Variants in SZT2 observed in about 807,000 individuals in gnomAD.
The protein encoded by SZT2 is SZT2 subunit of KICSTOR complex, also known as KICSTOR complex protein SZT2.
A neutral mutation model predicts 404.2 loss-of-function variants in SZT2; 216 were observed. The observed-to-expected ratio is 0.53, with a 90% confidence interval of 0.48 to 0.60. SZT2 has a LOEUF of 0.60. Ranked by LOEUF, SZT2 falls within the 20% of genes least tolerant of loss-of-function variation. The pLI is 0.00. For synonymous variants in SZT2, 1,693 were observed against 1,749.9 expected, an observed-to-expected ratio of 0.97 and a Z score of 0.81; for missense variants, 3,857 against 4,459.2, an observed-to-expected ratio of 0.86 and a Z score of 3.85.
rs921908840 is a variant in SZT2 at position 43,423,224 on chromosome 1, C to T, written c.2163C>T (p.Ser721=). The T allele has an allele frequency of 6.3e-7, 1 of 1,595,434 alleles. No homozygotes were observed. Among genetic ancestry groups the T allele is most frequent in the Non-Finnish European group, 8.5e-7 (1 of 1,178,152 alleles). The part of the protein sequence containing the change: ...LGGAGGGSSP[S]KSPPVLGPQQ... Reference sequence around the variant, plus strand: ...GTGCTGGTGGGGGCAGCTCTCCCTCCAAGTCACCCCCCGTGCTGGGGCCAC... The same window carrying T: ...GTGCTGGTGGGGGCAGCTCTCCCTCTAAGTCACCCCCCGTGCTGGGGCCAC... Residue 721 remains serine, a synonymous_variant, in exon 15 of 72, where the codon TCC becomes TCT. Coordinates refer to ENST00000634258, the MANE Select transcript of SZT2 (RefSeq NM_001365999.1).
chr1:43,393,634 T>A (rs1272526120), intron 1 of SZT2, among the ~76,000 whole-genome samples: 9 of 152,144 alleles, frequency 5.9e-5, no homozygotes, highest in African/African-American at 2.2e-4. Flanking sequence ...TTTGTGGGAA[T>A]GTGTTAACAA....
At chr1:43,410,876 C>G (rs1313930946) in intron 4 of SZT2, among the ~76,000 whole-genome samples, 1 of 148,026 alleles carries the variant, frequency 6.8e-6, no homozygotes, top group East Asian at 2.0e-4. Context: ...GTTGCCCAGG[C>G]AAGGCCTCTG....
intron 11 of SZT2, 93 bp from the exon 12 acceptor site, chr1:43,421,990 G>T (rs1310542664): frequency 2.9e-6 from 4 of 1,389,776 alleles, no homozygotes; most frequent in South Asian, 1.4e-5. Context: ...CTGACTCTCT[G>T]AACGGAGTCC....
rs1204684055 is a variant in SZT2, at chr1:43,430,758, A to G, written c.4743A>G (p.Ser1581=). 1.9e-6 allele frequency: 3 copies of G among 1,611,720 alleles called. No individual in the cohort carries two copies. The highest frequency in any genetic ancestry group is 1.1e-5 in the South Asian group (1 of 91,070). Residue 1581 remains serine (S), a synonymous_variant, in exon 32 of 72, where the codon TCA becomes TCG. Coordinates refer to ENST00000634258, the MANE Select transcript of SZT2 (RefSeq NM_001365999.1). ...TGCGGCTACGTGGGCAGCACAGCTC[A>G]GTACCTGTGTGCAGCCTGCCTACCT... is the stretch of plus-strand genomic sequence containing the variant. ...CSVRLRGQHS[S]VPVCSLPTCL... is the part of the protein sequence containing the mutation.
intron 28 of SZT2, chr1:43,428,905 G>T: frequency 5.1e-6 from 1 of 195,682 alleles, no homozygotes; most frequent in Non-Finnish European, 1.1e-5. Flanking sequence ...CTGTTGAAGG[G>T]AGGAAGGGGA....
chr1:43,408,156 T>G (rs764290603), intron 4 of SZT2, among the ~76,000 whole-genome samples: 1 of 151,972 alleles, frequency 6.6e-6, no homozygotes, highest in Non-Finnish European at 1.5e-5. Flanking sequence ...TTATGGAACT[T>G]TCTTCTAATT....
rs776084249 is a variant in SZT2, at chr1:43,422,258, G to A, written c.1769+33G>A. 1.1e-5 allele frequency: 17 copies of A among 1,553,216 alleles called. No individual in the cohort carries two copies. In the South Asian group the frequency reaches 2.0e-4, roughly 18 times the overall value. On this transcript the variant is annotated intron_variant, in intron 12 of 71. Coordinates refer to ENST00000634258, the MANE Select transcript of SZT2 (RefSeq NM_001365999.1). ...CCCTTAGGGCTGGGCCATAGTTGGGGTGGAGTATCGGGGTCAGGGGGATAG... is the reference window on the plus strand; with the variant it reads ...CCCTTAGGGCTGGGCCATAGTTGGGATGGAGTATCGGGGTCAGGGGGATAG...
Position 43,443,645 on chromosome 1 carries a change from A to G in SZT2, c.8674A>G (p.Ser2892Gly), listed in dbSNP as rs1655337456. Residue 2892 changes from serine to glycine, a missense_variant, in exon 62 of 72, where the codon AGC (serine) becomes GGC (glycine). Ser to Gly is a moderately conservative substitution (Grantham distance 56). This residue lies in a region of SZT2 where 717 missense variants were observed against 868.2 expected (regional missense o/e 0.83). Transcript: ENST00000634258. ...GTCTGGGAGCCGAGAGGCCCCCACA[A>G]GCTGTGAATCCTTGGATGTGTCGCC... ...SGSGSREAPT[S>G]CESLDVSPPG... The G allele has an allele frequency of 6.2e-7, 1 of 1,614,172 alleles. No individual in the cohort carries two copies. Among genetic ancestry groups the G allele is most frequent in the Non-Finnish European group, 8.5e-7 (1 of 1,180,034 alleles).
At position 43,433,627 on chromosome 1, in the gene SZT2, C is replaced by T. The variant is rs192233018; in HGVS notation, c.5804+437C>T. On this transcript the variant is annotated intron_variant, in intron 40 of 71. Coordinates refer to ENST00000634258, the MANE Select transcript of SZT2 (RefSeq NM_001365999.1). Reference sequence around the variant, plus strand: ...TGAAACCCCGTCTCCATTAAAAATACAAAAATTAGTTGGGCGTGGTGGCAG... The same window carrying T: ...TGAAACCCCGTCTCCATTAAAAATATAAAAATTAGTTGGGCGTGGTGGCAG... 3.8e-3 allele frequency among the ~76,000 whole-genome samples: 581 copies of T among 152,246 alleles called. 6 individuals are homozygous for T. The highest frequency in any genetic ancestry group is 6.1e-3 in the Non-Finnish European group (416 of 68,020).
At position 43,427,075 on chromosome 1, in the gene SZT2, C is replaced by T; in HGVS notation, c.3329C>T (p.Thr1110Ile). The T allele has an allele frequency of 1.2e-6, 2 of 1,614,030 alleles. No homozygotes were observed. Among genetic ancestry groups the T allele is most frequent in the East Asian group, 4.5e-5 (2 of 44,868 alleles). Residue 1110 changes from threonine to isoleucine, a missense_variant, in exon 24 of 72, where the codon ACT becomes ATT. Thr to Ile is a moderately conservative substitution (Grantham distance 89). Around this residue, in one of 7 missense-constraint regions of SZT2, gnomAD observed 1,725 missense variants for 1,881.0 expected, o/e 0.92. Coordinates refer to ENST00000634258, the MANE Select transcript of SZT2 (RefSeq NM_001365999.1). The part of the protein sequence containing the change: ...FTSLSVGLPE[T>I]LKPLISAQPP... ...TTACAGAGTGTAGGTCTTCCTGAAA[C>T]TCTCAAGCCTCTCATCTCTGCCCAG... is the stretch of plus-strand genomic sequence containing the variant.
Position 43,451,968 on chromosome 1 carries a change from C to T in SZT2, c.*1488C>T. ...GGCGTGTCCAGGAAGTACTGGGGGT[C>T]AGTGATGCGGGTGTTGATGGGCTCC... On this transcript the variant is annotated 3_prime_UTR_variant, in exon 72 of 72. Coordinates refer to ENST00000634258, the MANE Select transcript of SZT2 (RefSeq NM_001365999.1). 1 of 1,611,532 alleles carries T rather than the reference C, an allele frequency of 6.2e-7. No individual in the cohort carries two copies. Among genetic ancestry groups the T allele is most frequent in the South Asian group, 1.1e-5 (1 of 90,920 alleles).
chr1:43,450,788 C>A lies in SZT2; in HGVS notation c.*308C>A. On this transcript the variant is annotated 3_prime_UTR_variant, in exon 72 of 72. Transcript: ENST00000634258. This position sits in a 1 kb window ranked among gnomAD's most constrained non-coding sequence, Gnocchi z 4.3. ...CCTGGTAGAGTCTCGGGAGTTCACACAGGGTGGCAAACACCCCCTAGAGCT... is the reference window on the plus strand; with the variant it reads ...CCTGGTAGAGTCTCGGGAGTTCACAAAGGGTGGCAAACACCCCCTAGAGCT... 1.4e-6 allele frequency: 1 copy of A among 709,064 alleles called. No homozygotes were observed. The allele number at this position is 709,064 out of a possible 1,614,324, so 43.9% of individuals were successfully genotyped here. A position where few individuals can be genotyped will look rare whatever the true frequency, so the allele number is the denominator to read the frequency against.
In SZT2 at chr1:43,448,400, A is replaced by AG. The variant is rs771068476; in HGVS notation, c.9891dup (p.Arg3298AlafsTer74). ...CACCGGGGCCTGATCGACTGCGGCTAGGGGGGCGCCTGGCCCTGGCAGAGC... is the reference window on the plus strand; with the variant it reads ...CACCGGGGCCTGATCGACTGCGGCTAGGGGGGGCGCCTGGCCCTGGCAGAGC... On this transcript the variant is annotated frameshift_variant, in exon 69 of 72. Coordinates refer to ENST00000634258, the MANE Select transcript of SZT2 (RefSeq NM_001365999.1). LOFTEE classifies it high-confidence loss of function. This position sits in a 1 kb window ranked among gnomAD's most constrained non-coding sequence, Gnocchi z 4.2. 6.3e-6 allele frequency: 10 copies of AG among 1,578,610 alleles called. No homozygotes were observed. Among genetic ancestry groups the AG allele is most frequent in the Admixed American group, 3.7e-5 (2 of 53,788 alleles).
In SZT2 at chr1:43,437,918, G is replaced by A. The variant is rs2782648; in HGVS notation, c.6508+16G>A. The A allele has an allele frequency of 1.9e-6, 3 of 1,613,452 alleles. No individual in the cohort carries two copies. In the African/African-American group the frequency reaches 4.0e-5, roughly 22 times the overall value. On this transcript the variant is annotated intron_variant, in intron 46 of 71. Transcript: ENST00000634258. This position sits in a 1 kb window ranked among gnomAD's most constrained non-coding sequence, Gnocchi z 5.3. Reference sequence around the variant, plus strand: ...GGGCAGGCAGGTAAGGTCTGAGGAGGGGGTAGGGGAGTCGCCACATGAGGT... The same window carrying A: ...GGGCAGGCAGGTAAGGTCTGAGGAGAGGGTAGGGGAGTCGCCACATGAGGT...
At chr1:43,408,812 G>A (rs980672148) in intron 4 of SZT2, among the ~76,000 whole-genome samples, 1 of 152,178 alleles carries the variant, frequency 6.6e-6, no homozygotes, top group African/African-American at 2.4e-5. Context: ...CTTCCCATGG[G>A]CCTGTAGAGT....
At chr1:43,445,785 GT>G in intron 62 of SZT2, 108 bp from the exon 63 acceptor site, 1 of 1,124,390 alleles carries the variant, frequency 8.9e-7, no homozygotes, top group Non-Finnish European at 1.3e-6. Context: ...TTGTGGGTCT[GT>G]TTCCTCCCTT....
In SZT2 at chr1:43,420,285, G is replaced by T; in HGVS notation, c.1223G>T (p.Arg408Leu). ...DLVSTVSVRLREGYSVREVTL... is the reference protein window; with the variant it reads ...DLVSTVSVRLLEGYSVREVTL... ...GTCAGCACTGTGTCCGTACGGCTTCGAGAGGGCTACAGTGTCCGAGAGGTC... is the reference window on the plus strand; with the variant it reads ...GTCAGCACTGTGTCCGTACGGCTTCTAGAGGGCTACAGTGTCCGAGAGGTC... The change falls in exon 9 of 72, where the codon CGA becomes CTA. Residue 408 changes from arginine to leucine, a missense_variant. By Grantham distance (102) the Arg-to-Leu change is moderately radical. Transcript: ENST00000634258. This position sits in a 1 kb window ranked among gnomAD's most constrained non-coding sequence, Gnocchi z 5.1. 1 of 1,597,808 alleles carries T rather than the reference G, an allele frequency of 6.3e-7. No individual in the cohort carries two copies. The highest frequency in any genetic ancestry group is 1.1e-5 in the South Asian group (1 of 90,944).
chr1:43,411,767 A>ATC (rs1651074220), intron 4 of SZT2, among the ~76,000 whole-genome samples: 1 of 109,330 alleles, frequency 9.1e-6, no homozygotes, highest in African/African-American at 4.2e-5. Flanking sequence ...TTCATCCACT[A>ATC]TCTTTTTTTT....
intron 28 of SZT2, chr1:43,428,978 G>A (rs1653523327): frequency 6.0e-6 from 1 of 165,654 alleles, no homozygotes; most frequent in Admixed American, 5.5e-5. Context: ...GTGTGTTAGC[G>A]TTGGGGAAAC....
Sources: gnomAD v4.1 joint callset for allele counts (sites outside exome capture counted in the v4.1 genomes callset) on GRCh38, gnomAD v4.1.1 for gene constraint, gnomAD v4.1.1 regional missense constraint, Gnocchi (gnomAD v3.1) non-coding constraint, MANE v1.5 for transcripts, NCBI Gene and HGNC (gene_info 2026-07-23, HGNC 2026-07-21) for gene names.